Variants in SLC26A5 observed in about 807,000 individuals in gnomAD.
SLC26A5 encodes solute carrier family 26 member 5, also known as prestin.
SLC26A5 carries 51 observed loss-of-function variants against 81.0 expected under a neutral mutation model. The ratio of observed to expected loss-of-function variants is 0.63; its 90% confidence interval spans 0.50 to 0.80. The LOEUF is 0.80. Among genes scored for constraint, SLC26A5 ranks in the 30% least tolerant of loss-of-function variants. The pLI is 0.00. For missense variants in SLC26A5, 771 were observed against 905.8 expected (o/e 0.85, Z 1.91); for synonymous variants, 325 against 332.8 (o/e 0.98, Z 0.25).
At chr7:103,362,801 T>TC (rs755351526) in intron 19 of SLC26A5, 2 of 1,435,616 alleles carry the variant, frequency 1.4e-6, no homozygotes, top group East Asian at 2.3e-5. Context: ...TGTCTTTTTT[T>TC]TTTTTTTTTT....
At chr7:103,355,878 T>G (rs1412540256) in intron 19 of SLC26A5, 17 of 896,588 alleles carry the variant, frequency 1.9e-5, no homozygotes, top group Admixed American at 2.9e-5. Flanking sequence ...ATGCAATAGT[T>G]CATAAATAAT....
chr7:103,428,088 GGT>G (rs1392426013), intron 2 of SLC26A5, among the ~76,000 whole-genome samples: 1 of 152,022 alleles, frequency 6.6e-6, no homozygotes, highest in Non-Finnish European at 1.5e-5. Context: ...CTTGACCTCA[GGT>G]GATCTGCCCA....
intron 19 of SLC26A5, among the ~76,000 whole-genome samples, chr7:103,360,271 C>G (rs1440103864): frequency 6.6e-6 from 1 of 151,966 alleles, no homozygotes; most frequent in East Asian, 1.9e-4. Context: ...AATGTGTCAC[C>G]TCTGGAAATC....
chr7:103,357,673 C>T (rs1019099959), intron 19 of SLC26A5, among the ~76,000 whole-genome samples: 8 of 152,138 alleles, frequency 5.3e-5, no homozygotes, highest in African/African-American at 1.9e-4. Context: ...ATGATTATGG[C>T]TATGTAAACA....
intron 9 of SLC26A5, among the ~76,000 whole-genome samples, chr7:103,397,057 T>C (rs964178638): frequency 2.7e-5 from 4 of 149,736 alleles, no homozygotes; most frequent in African/African-American, 9.9e-5. Context: ...ATTGTGCCAT[T>C]GCACTCCAGC....
intron 7 of SLC26A5, among the ~76,000 whole-genome samples, chr7:103,409,943 G>C (rs531591284): frequency 2.6e-5 from 4 of 152,068 alleles, no homozygotes; most frequent in African/African-American, 9.7e-5. Context: ...TCCTGACCTC[G>C]TGATCCGCCC....
intron 10 of SLC26A5, among the ~76,000 whole-genome samples, chr7:103,392,006 C>A (rs976274559): frequency 1.2e-4 from 18 of 152,266 alleles, no homozygotes; most frequent in African/African-American, 4.1e-4. Flanking sequence ...ACATAAATAA[C>A]GCTTAAGAAG....
At chr7:103,353,835 G>T (rs554411468) in intron 19 of SLC26A5, 2 of 1,150,932 alleles carry the variant, frequency 1.7e-6, no homozygotes, top group African/African-American at 1.6e-5. Flanking sequence ...AATTTGAATC[G>T]AACAGAAAAA....
chr7:103,408,044 G>T lies in SLC26A5; in HGVS notation c.736-41C>A, dbSNP rs202231157. On this transcript the variant is annotated intron_variant, in intron 7 of 19. Coordinates refer to ENST00000306312, the MANE Select transcript of SLC26A5 (RefSeq NM_198999.3). ...TGCTGGATGTTTACATCAAGAAATC[G>T]CCCCTGAGAGAGACAGAGACACTCT... 1.1e-5 allele frequency: 18 copies of T among 1,612,798 alleles called. No homozygotes were observed. The East Asian group carries it at 2.0e-4, about 18-fold the overall frequency.
chr7:103,389,684 G>A lies in SLC26A5; in HGVS notation c.1312-260C>T, dbSNP rs138639544. On this transcript the variant is annotated intron_variant, in intron 12 of 19. Transcript: ENST00000306312. ...GTCGCCCAGGCTGGAGTGCAGTAGCGTAATCTTGGCTAACTGCAACCTCTG... is the reference window on the plus strand; with the variant it reads ...GTCGCCCAGGCTGGAGTGCAGTAGCATAATCTTGGCTAACTGCAACCTCTG... Among the ~76,000 whole-genome samples the A allele has an allele frequency of 6.8e-4, 103 of 152,186 alleles. 1 individual carries two copies. In the East Asian group the frequency reaches 0.011, roughly 17 times the overall value.
At chr7:103,437,779 G>A (rs1432282512) in intron 2 of SLC26A5, among the ~76,000 whole-genome samples, 3 of 152,150 alleles carry the variant, frequency 2.0e-5, no homozygotes, top group Admixed American at 6.5e-5. Context: ...CTAGGTCATG[G>A]GTGGGAGGGA....
chr7:103,422,846 A>G (rs1462072484), intron 2 of SLC26A5, among the ~76,000 whole-genome samples: 1 of 152,200 alleles, frequency 6.6e-6, no homozygotes, highest in Non-Finnish European at 1.5e-5. Context: ...GGCAGAGGTT[A>G]ACATGAATGC....
chr7:103,388,769 C>T (rs1822409020), intron 14 of SLC26A5: 2 of 445,438 alleles, frequency 4.5e-6, no homozygotes, highest in East Asian at 5.0e-5. Flanking sequence ...TTTAACATAA[C>T]CATTGATGGG....
At chr7:103,409,185 C>T (rs756232836) in intron 7 of SLC26A5, among the ~76,000 whole-genome samples, 1 of 152,184 alleles carries the variant, frequency 6.6e-6, no homozygotes, top group Non-Finnish European at 1.5e-5. Context: ...CACATGTATG[C>T]GATTAATGGT....
intron 8 of SLC26A5, among the ~76,000 whole-genome samples, chr7:103,403,048 T>C (rs1823736536): frequency 6.6e-6 from 1 of 152,242 alleles, no homozygotes; most frequent in African/African-American, 2.4e-5. Context: ...GTTTTAGCTG[T>C]GTCCCAGAGA....
At chr7:103,423,250 C>A (rs1235470528) in intron 2 of SLC26A5, among the ~76,000 whole-genome samples, 1 of 151,924 alleles carries the variant, frequency 6.6e-6, no homozygotes, top group African/African-American at 2.4e-5. Flanking sequence ...CCAGCCTGGG[C>A]GACAAGAGTG....
intron 19 of SLC26A5, chr7:103,352,979 A>G: frequency 1.3e-6 from 1 of 780,216 alleles, no homozygotes; most frequent in Non-Finnish European, 2.4e-6. Flanking sequence ...TAAATTTTTT[A>G]CCACTCTGTC....
intron 7 of SLC26A5, among the ~76,000 whole-genome samples, chr7:103,409,484 AT>A (rs1824306355): frequency 6.6e-6 from 1 of 152,062 alleles, no homozygotes; most frequent in East Asian, 1.9e-4. Context: ...TTAGTTTTTG[AT>A]TTTTTTATTA....
chr7:103,412,480 C>T (rs1824560855), intron 5 of SLC26A5, among the ~76,000 whole-genome samples: 1 of 148,342 alleles, frequency 6.7e-6, no homozygotes, highest in South Asian at 2.1e-4. Flanking sequence ...AGAAAATTGT[C>T]TTTTTTATTA....
Sources: gnomAD v4.1 joint callset for allele counts (sites outside exome capture counted in the v4.1 genomes callset) on GRCh38, gnomAD v4.1.1 for gene constraint, MANE v1.5 for transcripts, NCBI Gene and HGNC (gene_info 2026-07-23, HGNC 2026-07-21) for gene names.